Variants in ANKS1B observed in about 807,000 individuals in gnomAD.
ANKS1B encodes the protein ankyrin repeat and sterile alpha motif domain-containing protein 1B.
Under a neutral mutation model 148.3 loss-of-function variants are expected in ANKS1B, and 36 were observed. The ratio of observed to expected loss-of-function variants is 0.24; its 90% confidence interval spans 0.19 to 0.32. ANKS1B has a LOEUF of 0.32. Among genes scored for constraint, ANKS1B ranks in the 10% least tolerant of loss-of-function variants. The pLI is 1.00. For synonymous variants in ANKS1B, 542 were observed against 560.8 expected (o/e 0.97, Z 0.47); for missense variants, 1,157 against 1,542.6 (o/e 0.75, Z 4.19).
chr12:99,535,508 A>G (rs2097056687), intron 9 of ANKS1B, among the ~76,000 whole-genome samples: 1 of 152,216 alleles, frequency 6.6e-6, no homozygotes, highest in South Asian at 2.1e-4. Flanking sequence ...CCAAAAACTC[A>G]AATACTTTCT....
intron 17 of ANKS1B, among the ~76,000 whole-genome samples, chr12:98,880,029 A>G (rs1018749631): frequency 6.6e-6 from 1 of 152,242 alleles, no homozygotes; most frequent in Non-Finnish European, 1.5e-5. Context: ...AAAAAGTATA[A>G]AACACATATT....
At chr12:98,828,326 A>G (rs1488349575) in intron 19 of ANKS1B, among the ~76,000 whole-genome samples, 1 of 152,208 alleles carries the variant, frequency 6.6e-6, no homozygotes, top group Non-Finnish European at 1.5e-5. Flanking sequence ...AGTTGAGAAA[A>G]ATATTTAACA....
chr12:99,326,847 G>GTGGA (rs1388337965), intron 12 of ANKS1B, among the ~76,000 whole-genome samples: 1 of 150,700 alleles, frequency 6.6e-6, no homozygotes, highest in African/African-American at 2.4e-5. Flanking sequence ...TCCACATAAG[G>GTGGA]TGGATGCCTA....
rs2153967967 is a variant in ANKS1B, at chr12:99,244,389, T to C, written c.2372A>G (p.Asp791Gly). The change falls in exon 14 of 27, where the codon GAT becomes GGT. Residue 791 changes from aspartate (D) to glycine (G), a missense_variant. This residue lies in a region of ANKS1B where 661 missense variants were observed against 642.1 expected (regional missense o/e 1.03). Coordinates refer to ENST00000683438, the MANE Select transcript of ANKS1B (RefSeq NM_001352186.2). ...EEIDKIMSSIDVGINNELKEM... is the reference protein window; with the variant it reads ...EEIDKIMSSIGVGINNELKEM... ...TTTAAGTTCGTTGTTGATTCCAACA[T>C]CTATGGAACTCATTATTTTGTCAAT... 1.2e-6 allele frequency: 2 copies of C among 1,605,810 alleles called. No individual in the cohort carries two copies. Among genetic ancestry groups the C allele is most frequent in the African/African-American group, 1.3e-5 (1 of 74,706 alleles).
chr12:99,837,865 T>C (rs1385989003), intron 1 of ANKS1B, among the ~76,000 whole-genome samples: 3 of 151,588 alleles, frequency 2.0e-5, no homozygotes, highest in Non-Finnish European at 4.4e-5. Flanking sequence ...GGGCTTTTAG[T>C]GTAATCATCA....
intron 8 of ANKS1B, among the ~76,000 whole-genome samples, chr12:99,660,730 T>A (rs1313879654): frequency 6.6e-6 from 1 of 152,156 alleles, no homozygotes; most frequent in Non-Finnish European, 1.5e-5. Context: ...TGTTTTTTCA[T>A]ATGAGAATGT....
chr12:98,945,012 C>T (rs2099842914), intron 17 of ANKS1B, among the ~76,000 whole-genome samples: 1 of 152,172 alleles, frequency 6.6e-6, no homozygotes, highest in African/African-American at 2.4e-5. Context: ...GCTCTCCTAT[C>T]CCCCACTGCT....
chr12:98,736,127 A>C (rs1047244226), intron 9 of ANKS1B, among the ~76,000 whole-genome samples: 1 of 152,168 alleles, frequency 6.6e-6, no homozygotes, highest in Non-Finnish European at 1.5e-5. Flanking sequence ...TAAGGACTTC[A>C]CTTTTGACTC....
chr12:99,667,250 G>A lies in ANKS1B; in HGVS notation c.1129-12040C>T, dbSNP rs113003298. ...TGTAGTTCCAGCTACTCGGGAGGCT[G>A]AGGCAGGAGAATCACTTGAGCCCGG... On this transcript the variant is annotated intron_variant, in intron 8 of 26. Coordinates refer to ENST00000683438, the MANE Select transcript of ANKS1B (RefSeq NM_001352186.2). Among the ~76,000 whole-genome samples, 180 of 152,042 alleles carry A rather than the reference G, an allele frequency of 1.2e-3. 1 individual carries two copies. The highest frequency in any genetic ancestry group is 3.4e-3 in the Middle Eastern group (1 of 294).
At chr12:99,328,269 G>C (rs2086860657) in intron 12 of ANKS1B, among the ~76,000 whole-genome samples, 1 of 151,968 alleles carries the variant, frequency 6.6e-6, no homozygotes, top group Non-Finnish European at 1.5e-5. Flanking sequence ...AGATGAACTT[G>C]ACAGTCTGAG....
At chr12:99,350,788 G>GA (rs974106243) in intron 12 of ANKS1B, among the ~76,000 whole-genome samples, 2 of 151,968 alleles carry the variant, frequency 1.3e-5, no homozygotes, top group Non-Finnish European at 2.9e-5. Context: ...TGTAGTGTAG[G>GA]AAAAACCATA....
chr12:98,956,555 C>A (rs73382465), intron 17 of ANKS1B, among the ~76,000 whole-genome samples: 3 of 151,742 alleles, frequency 2.0e-5, no homozygotes, highest in Non-Finnish European at 4.4e-5. Flanking sequence ...CCCCCCCATC[C>A]CCCCCGTCAC....
At chr12:99,127,741 G>A (rs1322371334) in intron 15 of ANKS1B, among the ~76,000 whole-genome samples, 1 of 152,124 alleles carries the variant, frequency 6.6e-6, no homozygotes, top group Non-Finnish European at 1.5e-5. Context: ...CCCTCACATG[G>A]GTGTTGGGGT....
chr12:99,171,004 T>A (rs1601372501), intron 14 of ANKS1B, among the ~76,000 whole-genome samples: 2 of 152,336 alleles, frequency 1.3e-5, no homozygotes, highest in Middle Eastern at 3.4e-3. Context: ...AAGAAGGCTA[T>A]GCCCACATTG....
intron 12 of ANKS1B, among the ~76,000 whole-genome samples, chr12:99,342,181 G>A (rs909848075): frequency 7.2e-5 from 11 of 152,106 alleles, no homozygotes; most frequent in South Asian, 4.1e-4. Flanking sequence ...TTAATTAAAC[G>A]CGACTAAAAA....
chr12:99,506,794 G>T (rs7313882), intron 9 of ANKS1B, among the ~76,000 whole-genome samples: 36,976 of 151,902 alleles, frequency 0.24, 5,012 homozygotes, highest in African/African-American at 0.37. Flanking sequence ...AAAATAAAAA[G>T]GCACTATAAA....
chr12:99,223,868 T>G (rs948863330), intron 14 of ANKS1B, among the ~76,000 whole-genome samples: 4 of 152,220 alleles, frequency 2.6e-5, no homozygotes, highest in African/African-American at 7.2e-5. Context: ...CGTTTGACTG[T>G]ACGTTGAACT....
At chr12:99,391,190 C>T (rs2094053228) in intron 12 of ANKS1B, among the ~76,000 whole-genome samples, 2 of 152,176 alleles carry the variant, frequency 1.3e-5, no homozygotes, top group Non-Finnish European at 2.9e-5. Context: ...CAAAGACAGC[C>T]TTGCTCTTGG....
At chr12:99,978,864 C>T (rs1057157879) in intron 1 of ANKS1B, among the ~76,000 whole-genome samples, 1 of 152,010 alleles carries the variant, frequency 6.6e-6, no homozygotes, top group African/African-American at 2.4e-5. Context: ...TTATTTCTGA[C>T]AAGAATTTAC....
Sources: gnomAD v4.1 joint callset for allele counts (sites outside exome capture counted in the v4.1 genomes callset) on GRCh38, gnomAD v4.1.1 for gene constraint, gnomAD v4.1.1 regional missense constraint, MANE v1.5 for transcripts, NCBI Gene and HGNC (gene_info 2026-07-23, HGNC 2026-07-21) for gene names.